UTRN: variants seen among roughly 807,000 people sequenced by gnomAD.
The protein encoded by UTRN is dystrophin-related protein 1.
Under a neutral mutation model 463.9 loss-of-function variants are expected in UTRN, and 283 were observed. That is an observed-to-expected ratio of 0.61 (90% CI 0.55 to 0.67). The LOEUF is 0.67. Among genes scored for constraint, UTRN ranks in the 30% least tolerant of loss-of-function variants. The pLI is 0.00. For missense variants in UTRN, 3,922 were observed against 4,084.3 expected (o/e 0.96, Z 1.08); for synonymous variants, 1,442 against 1,431.5 (o/e 1.01, Z -0.17).
chr6:144,345,901 G>T (rs1320264400), intron 2 of UTRN, among the ~76,000 whole-genome samples: 1 of 152,206 alleles, frequency 6.6e-6, no homozygotes, highest in African/African-American at 2.4e-5. Context: ...GCTTTGGCCG[G>T]GGGCGGTGGC....
chr6:144,501,385 T>G (rs1794163255), intron 34 of UTRN, among the ~76,000 whole-genome samples: 1 of 152,182 alleles, frequency 6.6e-6, no homozygotes, highest in South Asian at 2.1e-4. Flanking sequence ...TGAATGAAAT[T>G]TGCCTAGTGT....
At chr6:144,422,032 G>T in intron 4 of UTRN, 62 bp downstream of exon 4, 4 of 1,367,142 alleles carry the variant, frequency 2.9e-6, no homozygotes, top group Non-Finnish European at 2.0e-6. Flanking sequence ...TGATGACCCA[G>T]TGTGGGTACC....
chr6:144,439,487 TTTC>T (rs1786915409), intron 12 of UTRN, among the ~76,000 whole-genome samples: 1 of 149,926 alleles, frequency 6.7e-6, no homozygotes, highest in Non-Finnish European at 1.5e-5. Context: ...TTAAATAAAT[TTTC>T]TTTCTTTCTT....
chr6:144,852,556 G>T lies in UTRN; in HGVS notation c.*1559G>T, dbSNP rs895689582. ...TGCAGCAGAGATATTTTGAAAAGAA[G>T]AAAATTGTTTTATATAAAAAGGAAA... On this transcript the variant is annotated 3_prime_UTR_variant, in exon 75 of 75. Coordinates refer to ENST00000367545, the MANE Select transcript of UTRN (RefSeq NM_007124.3). 2 of 152,518 alleles carry T rather than the reference G, an allele frequency of 1.3e-5. No homozygotes were observed. Among genetic ancestry groups the T allele is most frequent in the African/African-American group, 4.8e-5 (2 of 41,432 alleles). 9.4% of individuals were successfully genotyped at this position (152,518 alleles called of 1,614,324 possible).
At chr6:144,479,697 AAGC>A in intron 25 of UTRN, 112 bp from the exon 26 acceptor site, 1 of 1,214,584 alleles carries the variant, frequency 8.2e-7, no homozygotes, top group Non-Finnish European at 1.1e-6. Context: ...CTGAATTTTA[AAGC>A]ATGCAATTCG....
intron 33 of UTRN, among the ~76,000 whole-genome samples, chr6:144,493,925 C>T (rs1000806137): frequency 2.0e-5 from 3 of 152,150 alleles, no homozygotes; most frequent in African/African-American, 7.2e-5. Flanking sequence ...GCTGCTTGAA[C>T]CTGAGAGGCA....
At position 144,727,570 on chromosome 6, in the gene UTRN, A is replaced by AAC. The variant is rs562797072; in HGVS notation, c.7810-2783_7810-2782dup. 1.1e-4 allele frequency among the ~76,000 whole-genome samples: 16 copies of AAC among 152,136 alleles called. No individual in the cohort carries two copies. In the East Asian group the frequency reaches 1.7e-3, roughly 17 times the overall value. ...TCAGGAGATCGAGACCATCCTGGCT[A>AAC]ACACAGTGAAATGCCATCTCTACTA... On this transcript the variant is annotated intron_variant, in intron 53 of 74. Transcript: ENST00000367545.
At chr6:144,290,996 G>T (rs531726689) in intron 1 of UTRN, among the ~76,000 whole-genome samples, 9 of 150,212 alleles carry the variant, frequency 6.0e-5, no homozygotes, top group Non-Finnish European at 8.9e-5. Context: ...GGCTGGTCTC[G>T]AACTCCTGAC....
At chr6:144,373,407 C>T (rs763583464) in intron 2 of UTRN, among the ~76,000 whole-genome samples, 1 of 152,156 alleles carries the variant, frequency 6.6e-6, no homozygotes, top group Non-Finnish European at 1.5e-5. Context: ...AAGTGAAAGA[C>T]GTCTGGCACA....
intron 69 of UTRN, among the ~76,000 whole-genome samples, chr6:144,830,598 C>CT (rs1230484273): frequency 6.6e-6 from 1 of 152,194 alleles, no homozygotes; most frequent in Non-Finnish European, 1.5e-5. Context: ...TTATTATAAA[C>CT]TTGTCCATCC....
intron 61 of UTRN, among the ~76,000 whole-genome samples, chr6:144,783,744 T>C (rs1256327614): frequency 2.0e-5 from 3 of 152,208 alleles, no homozygotes; most frequent in Non-Finnish European, 4.4e-5. Context: ...CGATTTTTTT[T>C]AATTAGAGAA....
intron 8 of UTRN, 53 bp from the exon 9 acceptor site, chr6:144,429,528 C>T (rs1785605096): frequency 1.3e-6 from 2 of 1,500,974 alleles, no homozygotes; most frequent in Middle Eastern, 1.8e-4. Flanking sequence ...TTGAGCAATT[C>T]ACATATTTTG....
chr6:144,301,319 T>C (rs1805224615), intron 2 of UTRN, among the ~76,000 whole-genome samples: 1 of 152,160 alleles, frequency 6.6e-6, no homozygotes, highest in Non-Finnish European at 1.5e-5. Flanking sequence ...TTTTTCAAGA[T>C]ACGTAACGTG....
intron 50 of UTRN, among the ~76,000 whole-genome samples, chr6:144,573,008 C>T (rs1277074842): frequency 6.6e-6 from 1 of 152,212 alleles, no homozygotes; most frequent in Admixed American, 6.5e-5. Context: ...TTTACACTCC[C>T]ACCAACAGTG....
chr6:144,306,782 G>A (rs1365382274), intron 2 of UTRN, among the ~76,000 whole-genome samples: 2 of 151,914 alleles, frequency 1.3e-5, no homozygotes. Flanking sequence ...GAGGCCGGGT[G>A]TGGTGGATCA....
intron 51 of UTRN, among the ~76,000 whole-genome samples, chr6:144,601,165 A>G (rs1353890295): frequency 6.6e-6 from 1 of 152,228 alleles, no homozygotes; most frequent in African/African-American, 2.4e-5. Context: ...TTTCATGCCT[A>G]CTAACTCAGT....
chr6:144,717,542 G>A (rs565179889), intron 53 of UTRN, among the ~76,000 whole-genome samples: 3 of 151,704 alleles, frequency 2.0e-5, no homozygotes, highest in East Asian at 1.9e-4. Flanking sequence ...TATGAGTCTT[G>A]CAACACAGTT....
chr6:144,675,917 G>T (rs1347081832), intron 51 of UTRN, among the ~76,000 whole-genome samples: 1 of 152,098 alleles, frequency 6.6e-6, no homozygotes, highest in Admixed American at 6.6e-5. Flanking sequence ...TTCCTCAAAA[G>T]AATTTTAAGT....
At chr6:144,514,217 T>C (rs137964650) in intron 36 of UTRN, among the ~76,000 whole-genome samples, 180 bp downstream of exon 36, 1 of 152,244 alleles carries the variant, frequency 6.6e-6, no homozygotes, top group African/African-American at 2.4e-5. Flanking sequence ...GAACTTGAAA[T>C]TGAAAGACTT....
Sources: allele counts gnomAD v4.1 joint callset (sites outside exome capture counted in the v4.1 genomes callset), GRCh38; gene constraint gnomAD v4.1.1; transcripts MANE v1.5; gene names NCBI Gene and HGNC (gene_info 2026-07-23, HGNC 2026-07-21).